DPP10: variants seen among roughly 807,000 people sequenced by gnomAD.
DPP10 encodes the protein inactive dipeptidyl peptidase 10.
Under a neutral mutation model 120.9 loss-of-function variants are expected in DPP10, and 33 were observed. The observed-to-expected ratio is 0.27, with a 90% confidence interval of 0.21 to 0.37. DPP10 has a LOEUF of 0.37. DPP10 is among the 10% of genes least tolerant of loss of function. The probability of loss-of-function intolerance (pLI) is 1.00; values close to 1 mark genes in which losing one functional copy is unlikely to be tolerated. For missense variants in DPP10, 816 were observed against 942.8 expected (o/e 0.87, Z 1.76); for synonymous variants, 337 against 326.1 (o/e 1.03, Z -0.36).
At chr2:115,649,387 G>A (rs1193451754) in intron 5 of DPP10, among the ~76,000 whole-genome samples, 1 of 152,092 alleles carries the variant, frequency 6.6e-6, no homozygotes, top group Non-Finnish European at 1.5e-5. Context: ...TTAAACTCGT[G>A]AAATATATTG....
In DPP10 at chr2:115,241,066, C is replaced by T. The variant is rs1030054415; in HGVS notation, c.61-68173C>T. Among the ~76,000 whole-genome samples the T allele has an allele frequency of 7.2e-5, 11 of 152,156 alleles. No homozygotes were observed. In the South Asian group the frequency reaches 1.9e-3, roughly 26 times the overall value. On this transcript the variant is annotated intron_variant, in intron 1 of 25. Transcript: ENST00000410059. The stretch of plus-strand genomic sequence containing the variant: ...CAGGCAGATCACGAGGTCAGGAGTT[C>T]GAGACCAGTCTGACCAACATGGTAA...
chr2:115,470,354 A>G (rs2677296), intron 3 of DPP10, among the ~76,000 whole-genome samples: 125,897 of 152,142 alleles, frequency 0.83, 55,163 homozygotes, highest in Non-Finnish European at 0.97. Context: ...AACCTCATTT[A>G]TCATCCTGTC....
chr2:114,792,446 G>T (rs1683336939), intron 1 of DPP10, among the ~76,000 whole-genome samples: 1 of 152,136 alleles, frequency 6.6e-6, no homozygotes, highest in Admixed American at 6.5e-5. Flanking sequence ...TCCTAAGAGG[G>T]AAATAAGTAG....
chr2:114,608,204 A>T (rs140823812), intron 1 of DPP10, among the ~76,000 whole-genome samples: 2 of 152,208 alleles, frequency 1.3e-5, no homozygotes, highest in Non-Finnish European at 2.9e-5. Context: ...GAGCAGACAA[A>T]TACGCAGGAA....
At chr2:115,820,257 A>G (rs13033021) in intron 21 of DPP10, among the ~76,000 whole-genome samples, 54,256 of 151,976 alleles carry the variant, frequency 0.36, 10,055 homozygotes, top group Middle Eastern at 0.52. Flanking sequence ...AAATACTTTG[A>G]AATATCAATT....
At chr2:114,513,190 G>T (rs1684292911) in intron 1 of DPP10, among the ~76,000 whole-genome samples, 1 of 151,970 alleles carries the variant, frequency 6.6e-6, no homozygotes, top group African/African-American at 2.4e-5. Flanking sequence ...ACTTCACCTT[G>T]TCCTTTTATA....
intron 1 of DPP10, among the ~76,000 whole-genome samples, chr2:114,994,988 C>T (rs1388426287): frequency 2.6e-5 from 4 of 152,210 alleles, no homozygotes; most frequent in East Asian, 1.9e-4. Flanking sequence ...TGTTCCTTCA[C>T]GGTGTCTGGC....
intron 1 of DPP10, among the ~76,000 whole-genome samples, chr2:115,009,641 G>C (rs1431573829): frequency 6.6e-6 from 1 of 151,270 alleles, no homozygotes. Flanking sequence ...CCTTGGGCTA[G>C]GGGAGGGATA....
intron 4 of DPP10, among the ~76,000 whole-genome samples, chr2:115,523,235 G>A: frequency 6.6e-6 from 1 of 152,002 alleles, no homozygotes; most frequent in Non-Finnish European, 1.5e-5. Context: ...CTGGGTAATT[G>A]TAGGAACTGT....
At chr2:115,029,895 G>A (rs1703721415) in intron 1 of DPP10, among the ~76,000 whole-genome samples, 1 of 152,146 alleles carries the variant, frequency 6.6e-6, no homozygotes, top group Non-Finnish European at 1.5e-5. Context: ...AATGACCTGT[G>A]AATTATGAGG....
chr2:115,836,476 C>T (rs1172460012), intron 22 of DPP10, 31 bp from the exon 23 acceptor site: 3 of 1,599,740 alleles, frequency 1.9e-6, no homozygotes, highest in African/African-American at 1.4e-5. Flanking sequence ...TTTTTAGTTT[C>T]TTCTCGAATG....
intron 1 of DPP10, among the ~76,000 whole-genome samples, chr2:115,261,793 T>G (rs2059261950): frequency 6.6e-6 from 1 of 152,206 alleles, no homozygotes; most frequent in Non-Finnish European, 1.5e-5. Context: ...TTAACATGCC[T>G]TTTGCAAGGT....
At chr2:114,805,030 C>T (rs542740474) in intron 1 of DPP10, among the ~76,000 whole-genome samples, 5 of 152,228 alleles carry the variant, frequency 3.3e-5, no homozygotes, top group South Asian at 2.1e-4. Context: ...TGATCTTTCC[C>T]GTGCTATTCT....
chr2:114,499,573 C>CTTT lies in DPP10; in HGVS notation c.60+56745_60+56747dup, dbSNP rs111641069. On this transcript the variant is annotated intron_variant, in intron 1 of 25. Transcript: ENST00000410059. ...TTAGCACAAGATGCTTTTGCAAAGGCTTTTTTTTTTTTCTGGGTTAAGAGC... is the reference window on the plus strand; with the variant it reads ...TTAGCACAAGATGCTTTTGCAAAGGCTTTTTTTTTTTTTTTCTGGGTTAAGAGC... Among the ~76,000 whole-genome samples the CTTT allele has an allele frequency of 6.3e-3, 916 of 146,062 alleles. 2 individuals carry two copies. Among genetic ancestry groups the CTTT allele is most frequent in the African/African-American group, 7.5e-3 (301 of 40,256 alleles).
chr2:115,226,754 T>G (rs2057453531), intron 1 of DPP10, among the ~76,000 whole-genome samples: 2 of 152,176 alleles, frequency 1.3e-5, no homozygotes, highest in South Asian at 4.1e-4. Flanking sequence ...AAGCACAATT[T>G]AATTAAATAT....
chr2:115,840,327 T>TTG (rs1689993840), intron 24 of DPP10, among the ~76,000 whole-genome samples: 2 of 116,436 alleles, frequency 1.7e-5, no homozygotes, highest in African/African-American at 3.4e-5. Flanking sequence ...TGGTTTTTTT[T>TTG]TTTTTTTTTT....
At chr2:115,210,813 T>C (rs1233114411) in intron 1 of DPP10, among the ~76,000 whole-genome samples, 2 of 152,214 alleles carry the variant, frequency 1.3e-5, no homozygotes, top group Admixed American at 6.5e-5. Context: ...TGCATAAATG[T>C]CTTCTTTTGA....
At chr2:115,316,367 C>T (rs1220622469) in intron 2 of DPP10, among the ~76,000 whole-genome samples, 2 of 151,830 alleles carry the variant, frequency 1.3e-5, no homozygotes, top group African/African-American at 4.8e-5. Flanking sequence ...ATGATAGGGG[C>T]AAAAAAATAT....
chr2:114,829,907 A>G (rs1045919514), intron 1 of DPP10, among the ~76,000 whole-genome samples: 1 of 151,496 alleles, frequency 6.6e-6, no homozygotes, highest in African/African-American at 2.4e-5. Flanking sequence ...TTCCTTTTCC[A>G]CTTCCACGTC....
Sources: allele counts gnomAD v4.1 joint callset (sites outside exome capture counted in the v4.1 genomes callset), GRCh38; gene constraint gnomAD v4.1.1; transcripts MANE v1.5; gene names NCBI Gene and HGNC (gene_info 2026-07-23, HGNC 2026-07-21).